Variants in AQR observed in about 807,000 individuals in gnomAD.
AQR encodes RNA helicase aquarius.
Under a neutral mutation model 180.5 loss-of-function variants are expected in AQR, and 61 were observed. The ratio of observed to expected loss-of-function variants is 0.34; its 90% CI spans 0.28 to 0.42. The LOEUF is 0.42. Among genes scored for constraint, AQR ranks in the 10% least tolerant of loss-of-function variants. The pLI, the probability that AQR is intolerant of heterozygous loss-of-function variation, is 1.00. For synonymous variants in AQR, 551 were observed against 588.8 expected (o/e 0.94, Z 0.93); for missense variants, 1,281 against 1,798.3 (o/e 0.71, Z 5.20).
At chr15:34,968,930 A>T (rs2050327874) in intron 1 of AQR, among the ~76,000 whole-genome samples, 1 of 152,220 alleles carries the variant, frequency 6.6e-6, no homozygotes, top group South Asian at 2.1e-4. Context: ...TTCACAAATA[A>T]ATAATAAGAA....
At chr15:34,904,252 C>A in intron 19 of AQR, 84 bp downstream of exon 19, 1 of 997,344 alleles carries the variant, frequency 1.0e-6, no homozygotes, top group Non-Finnish European at 1.4e-6. Context: ...ACAAATCTTC[C>A]TCTAACCAAA....
chr15:34,877,963 G>A (rs552639893), intron 27 of AQR, among the ~76,000 whole-genome samples: 9 of 152,284 alleles, frequency 5.9e-5, no homozygotes, highest in African/African-American at 1.7e-4. Flanking sequence ...ATAGGGTCAG[G>A]GTGGTGTAGG....
intron 4 of AQR, among the ~76,000 whole-genome samples, chr15:34,949,884 T>C (rs1415050979): frequency 1.3e-5 from 2 of 150,066 alleles, no homozygotes; most frequent in Non-Finnish European, 3.0e-5. Context: ...GAGGATCACT[T>C]GGGCCTAGGG....
chr15:34,905,412 G>A (rs1391021580), intron 18 of AQR, among the ~76,000 whole-genome samples: 2 of 152,000 alleles, frequency 1.3e-5, no homozygotes, highest in Non-Finnish European at 2.9e-5. Flanking sequence ...GATAATAAGT[G>A]ATACACATAA....
intron 33 of AQR, among the ~76,000 whole-genome samples, chr15:34,862,235 C>T (rs2140457719): frequency 6.6e-6 from 1 of 152,214 alleles, no homozygotes; most frequent in African/African-American, 2.4e-5. Flanking sequence ...ATTTATTGCT[C>T]TATTTCCAAG....
intron 15 of AQR, among the ~76,000 whole-genome samples, chr15:34,916,882 C>CAAAAAAAAAAA (rs71119988): frequency 5.1e-5 from 4 of 79,198 alleles, no homozygotes; most frequent in Non-Finnish European, 7.8e-5. Flanking sequence ...TTCAGCAGAA[C>CAAAAAAAAAAA]AAAAAAAAAA....
Position 34,920,352 on chromosome 15 carries a change from C to T in AQR, c.1201G>A (p.Glu401Lys), listed in dbSNP as rs779768090. 1.9e-6 allele frequency: 3 copies of T among 1,611,072 alleles called. No individual in the cohort carries two copies. The part of the protein sequence containing the change: ...PKNEDTTFDK[E>K]FLLELLVSRH... ...TTTACCAGCAATTCTAGAAGAAATT[C>T]TTTATCAAAAGTTGTGTCTTCATTT... The change falls in exon 14 of 35, where the codon GAA becomes AAA. Residue 401 changes from glutamate (E) to lysine (K), a missense_variant. Transcript: ENST00000156471.
At chr15:34,964,411 TA>T (rs1327644202) in intron 1 of AQR, 121 bp from the exon 2 acceptor site, 1 of 839,248 alleles carries the variant, frequency 1.2e-6, no homozygotes, top group South Asian at 1.4e-5. Context: ...GGGGACAGAG[TA>T]TATCTGAAGG....
intron 23 of AQR, among the ~76,000 whole-genome samples, chr15:34,891,606 A>G (rs956741049): frequency 2.0e-5 from 3 of 152,208 alleles, no homozygotes; most frequent in Admixed American, 2.0e-4. Flanking sequence ...AATCAATCAT[A>G]AAGTAGAGGA....
At chr15:34,864,066 CAG>C (rs1428547995) in intron 32 of AQR, among the ~76,000 whole-genome samples, 2 of 152,086 alleles carry the variant, frequency 1.3e-5, no homozygotes, top group African/African-American at 4.8e-5. Flanking sequence ...CTGTAACATT[CAG>C]AGAGACAGAG....
At chr15:34,874,558 T>G (rs573601185) in intron 29 of AQR, 119 bp downstream of exon 29, 96 of 1,222,940 alleles carry the variant, frequency 7.8e-5, no homozygotes, top group Non-Finnish European at 1.1e-4. Context: ...GATTTATGGA[T>G]AGCCAAGTTC....
chr15:34,963,704 T>C (rs893991823), intron 2 of AQR, among the ~76,000 whole-genome samples: 4 of 148,204 alleles, frequency 2.7e-5, no homozygotes, highest in African/African-American at 7.9e-5. Flanking sequence ...CGCTCTGTCA[T>C]CCAGGCTGGA....
chr15:34,878,419 C>T (rs79165948), intron 27 of AQR, among the ~76,000 whole-genome samples: 8,653 of 143,328 alleles, frequency 0.06, 305 homozygotes, highest in Middle Eastern at 0.096. Flanking sequence ...AAGGAGATAG[C>T]TCATAAAAAG....
At chr15:34,959,199 G>GT (rs2140507499) in intron 3 of AQR, among the ~76,000 whole-genome samples, 1 of 152,236 alleles carries the variant, frequency 6.6e-6, no homozygotes, top group African/African-American at 2.4e-5. Context: ...GTCTCACTCT[G>GT]TTGCCCAGGC....
intron 12 of AQR, 110 bp from the exon 13 acceptor site, chr15:34,927,248 C>G: frequency 1.8e-6 from 1 of 553,850 alleles, no homozygotes; most frequent in South Asian, 5.5e-5. Flanking sequence ...ATTTCTGTCT[C>G]TTATATGCTT....
intron 16 of AQR, among the ~76,000 whole-genome samples, chr15:34,913,141 T>C (rs1893524844): frequency 6.6e-6 from 1 of 152,196 alleles, no homozygotes; most frequent in Non-Finnish European, 1.5e-5. Flanking sequence ...CAAAATCCAG[T>C]TGTGGAACAT....
intron 14 of AQR, among the ~76,000 whole-genome samples, chr15:34,918,655 T>C (rs1893634998): frequency 1.3e-5 from 2 of 152,208 alleles, no homozygotes; most frequent in Admixed American, 1.3e-4. Flanking sequence ...CTTAGTTTCC[T>C]TTTCACTAAA....
chr15:34,858,320 C>CAAAAAAAAAAA (rs57627687), intron 34 of AQR, among the ~76,000 whole-genome samples: 75 of 85,988 alleles, frequency 8.7e-4, no homozygotes, highest in Admixed American at 1.0e-3. Context: ...ACGACAGCAG[C>CAAAAAAAAAAA]AAAAAAAAAA....
chr15:34,881,683 C>T (rs1044156586), intron 27 of AQR, among the ~76,000 whole-genome samples: 12 of 152,114 alleles, frequency 7.9e-5, no homozygotes, highest in African/African-American at 2.9e-4. Flanking sequence ...AAGAGTATTC[C>T]ATATCCTCAT....
Sources: allele counts gnomAD v4.1 joint callset (sites outside exome capture counted in the v4.1 genomes callset), GRCh38; gene constraint gnomAD v4.1.1; transcripts MANE v1.5; gene names NCBI Gene and HGNC (gene_info 2026-07-23, HGNC 2026-07-21).